Variants in CR1L observed in about 807,000 individuals in gnomAD.
CR1L encodes complement component receptor 1-like protein.
CR1L carries 59 observed loss-of-function variants against 62.3 expected under a neutral mutation model. That is an observed-to-expected ratio of 0.95 (90% CI 0.77 to 1.18). The LOEUF is 1.18. Among genes scored for constraint, CR1L ranks in the 50% most tolerant of loss-of-function variants. The probability of loss-of-function intolerance (pLI) is 0.00; values close to 1 mark genes in which losing one functional copy is unlikely to be tolerated. For missense variants in CR1L, 700 were observed against 702.8 expected (o/e 1.00, Z 0.04); for synonymous variants, 279 against 248.7 (o/e 1.12, Z -1.15).
Position 207,697,585 on chromosome 1 carries a change from C to A in CR1L, c.945C>A (p.Phe315Leu), listed in dbSNP as rs373226358. Reference protein sequence around the residue: ...KDNFSPGQEVFYSCEPGYDLR... With the variant: ...KDNFSPGQEVLYSCEPGYDLR... Reference sequence around the variant, plus strand: ...ACTTTTCACCCGGGCAGGAAGTGTTCTACAGCTGTGAGCCCGGCTACGACC... The same window carrying A: ...ACTTTTCACCCGGGCAGGAAGTGTTATACAGCTGTGAGCCCGGCTACGACC... Residue 315 changes from phenylalanine to leucine, a missense_variant, in exon 6 of 12, where the codon TTC (phenylalanine) becomes TTA (leucine). Phe to Leu is a conservative substitution (Grantham distance 22). Transcript: ENST00000508064. 1.9e-6 allele frequency: 3 copies of A among 1,613,872 alleles called. No homozygotes were observed.
intron 1 of CR1L, among the ~76,000 whole-genome samples, chr1:207,649,561 G>T (rs1264111860): frequency 6.6e-6 from 1 of 152,168 alleles, no homozygotes; most frequent in Non-Finnish European, 1.5e-5. Flanking sequence ...GATAGAGTTT[G>T]TCGGTCTCAG....
Position 207,697,550 on chromosome 1 carries a change from G to A in CR1L, c.910G>A (p.Asp304Asn), listed in dbSNP as rs375774290. The A allele has an allele frequency of 3.2e-5, 51 of 1,613,634 alleles. No individual in the cohort carries two copies. In the South Asian group the frequency reaches 5.6e-4, roughly 18 times the overall value. Residue 304 changes from aspartate (D) to asparagine (N), a missense_variant, in exon 6 of 12, where the codon GAC (aspartate) becomes AAC (asparagine). Physicochemically the swap from Asp to Asn is conservative, Grantham distance 23 (BLOSUM62 1). Transcript: ENST00000508064. Reference sequence around the variant, plus strand: ...CCTGCATGCTGAGCGTACCCAAAGGGACAAGGACAACTTTTCACCCGGGCA... The same window carrying A: ...CCTGCATGCTGAGCGTACCCAAAGGAACAAGGACAACTTTTCACCCGGGCA... ...DVLHAERTQR[D>N]KDNFSPGQEV...
intron 10 of CR1L, among the ~76,000 whole-genome samples, chr1:207,713,547 G>A (rs928398158): frequency 6.6e-6 from 1 of 152,242 alleles, no homozygotes; most frequent in African/African-American, 2.4e-5. Flanking sequence ...CACCCAGGCC[G>A]TGCCAGGCTT....
intron 7 of CR1L, among the ~76,000 whole-genome samples, chr1:207,698,199 C>G (rs1230539509): frequency 6.6e-6 from 1 of 151,916 alleles, no homozygotes; most frequent in Non-Finnish European, 1.5e-5. Context: ...TTCAAAACAG[C>G]AAATAGAATA....
intron 1 of CR1L, among the ~76,000 whole-genome samples, chr1:207,675,921 T>G (rs1663682884): frequency 6.6e-6 from 1 of 152,190 alleles, no homozygotes; most frequent in Non-Finnish European, 1.5e-5. Context: ...TGTTGAGCTT[T>G]GTTCACTCTT....
chr1:207,646,195 G>GT (rs1663122778), intron 1 of CR1L, among the ~76,000 whole-genome samples: 1 of 152,146 alleles, frequency 6.6e-6, no homozygotes, highest in South Asian at 2.1e-4. Flanking sequence ...CCATTGCCTA[G>GT]TGGCTTTTTG....
At chr1:207,720,704 A>C (rs1654116681) in intron 11 of CR1L, among the ~76,000 whole-genome samples, 1 of 152,246 alleles carries the variant, frequency 6.6e-6, no homozygotes. Flanking sequence ...CTCAAGACTA[A>C]TTAGCATGGT....
intron 10 of CR1L, 65 bp from the exon 11 acceptor site, chr1:207,717,399 A>C: frequency 6.5e-7 from 1 of 1,537,100 alleles, no homozygotes; most frequent in Non-Finnish European, 8.9e-7. Flanking sequence ...GTCGCAGGTC[A>C]CTAATATTTC....
chr1:207,669,719 G>A (rs1663580932), intron 1 of CR1L, among the ~76,000 whole-genome samples: 1 of 151,348 alleles, frequency 6.6e-6, no homozygotes, highest in Non-Finnish European at 1.5e-5. Context: ...TGGCAGGGCG[G>A]CGGGTCTGGG....
chr1:207,685,781 C>T (rs531053932), intron 4 of CR1L, among the ~76,000 whole-genome samples: 2 of 152,212 alleles, frequency 1.3e-5, no homozygotes, highest in East Asian at 1.9e-4. Flanking sequence ...CTGAACCCTC[C>T]ACTCCTGCAT....
At chr1:207,701,310 A>G (rs1298517842) in intron 8 of CR1L, among the ~76,000 whole-genome samples, 2 of 152,184 alleles carry the variant, frequency 1.3e-5, no homozygotes, top group African/African-American at 2.4e-5. Flanking sequence ...CTAGATCTAG[A>G]TAGATCTGGA....
At chr1:207,677,715 C>A in intron 2 of CR1L, 147 bp downstream of exon 2, 2 of 931,920 alleles carry the variant, frequency 2.1e-6, no homozygotes, top group Non-Finnish European at 3.1e-6. Flanking sequence ...TAGATCATAC[C>A]TTGTTACTGC....
intron 9 of CR1L, chr1:207,701,831 A>T (rs2102473065): frequency 1.3e-6 from 1 of 753,122 alleles, no homozygotes. Flanking sequence ...ACACATAAAG[A>T]GTATGCCGTT....
At chr1:207,694,883 C>T in intron 5 of CR1L, 132 bp downstream of exon 5, 1 of 1,496,534 alleles carries the variant, frequency 6.7e-7, no homozygotes. Context: ...AGGTAGTGAA[C>T]ATGAAATTCA....
intron 11 of CR1L, among the ~76,000 whole-genome samples, chr1:207,718,299 A>G (rs1654052910): frequency 6.6e-6 from 1 of 152,172 alleles, no homozygotes; most frequent in South Asian, 2.1e-4. Flanking sequence ...TTCCTTTGAT[A>G]TATTACTCTG....
At chr1:207,709,354 CATG>C (rs1213681673) in intron 10 of CR1L, 3 of 154,186 alleles carry the variant, frequency 1.9e-5, no homozygotes, top group Admixed American at 6.5e-5. Context: ...TGCAATGAGC[CATG>C]ATCGTGCCAC....
intron 10 of CR1L, among the ~76,000 whole-genome samples, chr1:207,716,869 A>T (rs1654012407): frequency 6.6e-6 from 1 of 152,240 alleles, no homozygotes; most frequent in Admixed American, 6.5e-5. Context: ...AAAAGAAGGA[A>T]GAAATGATGG....
At chr1:207,697,195 T>TACTTGGACCCAGTACA (rs1444387374) in intron 5 of CR1L, among the ~76,000 whole-genome samples, 1 of 152,158 alleles carries the variant, frequency 6.6e-6, no homozygotes, top group Non-Finnish European at 1.5e-5. Context: ...TTGTACTGGG[T>TACTTGGACCCAGTACA]GAACAGTAAT....
chr1:207,676,243 A>T (rs1196921411), intron 1 of CR1L, among the ~76,000 whole-genome samples: 2 of 152,110 alleles, frequency 1.3e-5, no homozygotes. Flanking sequence ...AAATGGATGG[A>T]TGCTGATTTT....
Sources: allele counts gnomAD v4.1 joint callset (sites outside exome capture counted in the v4.1 genomes callset), GRCh38; gene constraint gnomAD v4.1.1; transcripts MANE v1.5; gene names NCBI Gene and HGNC (gene_info 2026-07-23, HGNC 2026-07-21).